AKIRIN2: variants seen among roughly 807,000 people sequenced by gnomAD.
AKIRIN2 encodes akirin 2, also known as akirin-2.
Under a neutral mutation model 29.3 loss-of-function variants are expected in AKIRIN2, and 6 were observed. The observed-to-expected ratio is 0.20, with a 90% CI of 0.11 to 0.40. The LOEUF (loss-of-function observed/expected upper bound fraction) is 0.40, where lower values mean the gene tolerates loss of function less well. Ranked by LOEUF, AKIRIN2 falls within the 10% of genes least tolerant of loss-of-function variation. AKIRIN2 has a pLI of 1.00. For missense variants in AKIRIN2, 210 were observed against 276.1 expected (o/e 0.76, Z 1.70); for synonymous variants, 128 against 117.5 (o/e 1.09, Z -0.58).
rs557610900 is a variant in AKIRIN2, at chr6:87,675,411, G to C, written c.*186C>G. 1.4e-6 allele frequency: 1 copy of C among 690,876 alleles called. No individual in the cohort carries two copies. Among genetic ancestry groups the C allele is most frequent in the Non-Finnish European group, 2.5e-6 (1 of 395,018 alleles). 42.8% of individuals were successfully genotyped at this position (690,876 alleles called of 1,614,324 possible). A position where few individuals can be genotyped will look rare whatever the true frequency, so the allele number is the denominator to read the frequency against. On this transcript the variant is annotated 3_prime_UTR_variant, in exon 5 of 5. Coordinates refer to ENST00000257787, the MANE Select transcript of AKIRIN2 (RefSeq NM_018064.4). The stretch of plus-strand genomic sequence containing the variant: ...TACAGGTAGCAAAGGTCCACATCCA[G>C]GTGGTACTGACATCAGGGAAATTTC...
At chr6:87,683,511 C>A (rs964601069) in intron 1 of AKIRIN2, among the ~76,000 whole-genome samples, 1 of 152,068 alleles carries the variant, frequency 6.6e-6, no homozygotes, top group Non-Finnish European at 1.5e-5. Context: ...GGTAAGCATA[C>A]CTTGATATAA....
chr6:87,677,677 A>G, intron 3 of AKIRIN2, 141 bp downstream of exon 3: 1 of 1,026,282 alleles, frequency 9.7e-7, no homozygotes, highest in Non-Finnish European at 1.4e-6. Context: ...TAAGAAGGTT[A>G]ATTTTCTTTC....
intron 1 of AKIRIN2, among the ~76,000 whole-genome samples, chr6:87,698,620 A>C (rs1171988161): frequency 6.6e-6 from 1 of 152,196 alleles, no homozygotes; most frequent in Non-Finnish European, 1.5e-5. Context: ...TGTCCTAAAA[A>C]ACAGGTTTGG....
chr6:87,677,515 G>T (rs565753777), intron 3 of AKIRIN2, among the ~76,000 whole-genome samples: 3 of 152,026 alleles, frequency 2.0e-5, no homozygotes, highest in Non-Finnish European at 4.4e-5. Flanking sequence ...TGATGGTAAC[G>T]TTATGAAAAA....
At chr6:87,697,990 A>C (rs1771398588) in intron 1 of AKIRIN2, among the ~76,000 whole-genome samples, 1 of 152,184 alleles carries the variant, frequency 6.6e-6, no homozygotes, top group Non-Finnish European at 1.5e-5. Context: ...ATGTTGCAAT[A>C]TTTTGGTTTT....
chr6:87,697,571 C>CA (rs1245873275), intron 1 of AKIRIN2, among the ~76,000 whole-genome samples: 24 of 152,206 alleles, frequency 1.6e-4, no homozygotes, highest in African/African-American at 5.8e-4. Context: ...ACTTCTGGCT[C>CA]AATGTAAATG....
intron 1 of AKIRIN2, among the ~76,000 whole-genome samples, chr6:87,693,369 G>C (rs1771308656): frequency 6.6e-6 from 1 of 152,136 alleles, no homozygotes; most frequent in Non-Finnish European, 1.5e-5. Flanking sequence ...GATGCTTCAA[G>C]ACTCTAAAAT....
At chr6:87,699,826 T>C (rs150559003) in intron 1 of AKIRIN2, among the ~76,000 whole-genome samples, 11 of 152,342 alleles carry the variant, frequency 7.2e-5, no homozygotes, top group Non-Finnish European at 1.0e-4. Flanking sequence ...CATTGAGATA[T>C]AGTACTTTAA....
intron 4 of AKIRIN2, 96 bp downstream of exon 4, chr6:87,675,764 T>C (rs1183151696): frequency 3.4e-6 from 5 of 1,471,182 alleles, no homozygotes; most frequent in African/African-American, 1.4e-5. Flanking sequence ...AGTAATTTTG[T>C]TGAATTCTCT....
chr6:87,676,744 C>T (rs1170581059), intron 3 of AKIRIN2, among the ~76,000 whole-genome samples: 1 of 151,296 alleles, frequency 6.6e-6, no homozygotes, highest in Non-Finnish European at 1.5e-5. Context: ...CGTGCCACTG[C>T]ACTCCGGCCT....
intron 1 of AKIRIN2, among the ~76,000 whole-genome samples, chr6:87,696,117 G>A (rs977012542): frequency 2.6e-5 from 4 of 152,134 alleles, no homozygotes; most frequent in Admixed American, 2.0e-4. Context: ...GAGGCAGATT[G>A]CAGTGAGCCG....
chr6:87,675,495 G>A lies in AKIRIN2; in HGVS notation c.*102C>T, dbSNP rs944250456. The A allele has an allele frequency of 4.0e-6, 6 of 1,502,326 alleles. No homozygotes were observed. In the Admixed American group the frequency reaches 5.1e-5, roughly 13 times the overall value. The allele number at this position is 1,502,326 out of a possible 1,614,324, so 93.1% of individuals were successfully genotyped here. On this transcript the variant is annotated 3_prime_UTR_variant, in exon 5 of 5. Coordinates refer to ENST00000257787, the MANE Select transcript of AKIRIN2 (RefSeq NM_018064.4). ...CACTGACGAAAGCTTGAAATAACCT[G>A]TATTCACAGAAGGGGTATTGGCATT...
chr6:87,684,411 T>C (rs545154846), intron 1 of AKIRIN2, among the ~76,000 whole-genome samples: 37 of 152,360 alleles, frequency 2.4e-4, no homozygotes, highest in Middle Eastern at 3.4e-3. Flanking sequence ...CCAATTTAAA[T>C]GTACAATCCA....
rs747247893 is a variant in AKIRIN2, at chr6:87,681,774, A to G, written c.236-11T>C. 14 of 1,559,224 alleles carry G rather than the reference A, an allele frequency of 9.0e-6. No individual in the cohort carries two copies. Among genetic ancestry groups the G allele is most frequent in the African/African-American group, 1.4e-5 (1 of 71,996 alleles). The stretch of plus-strand genomic sequence containing the variant: ...TGTACAGAATTTGTTCTAAAATAAA[A>G]AAGTTAAAATTTGGCAAGATAAAAA... On this transcript the variant is annotated splice_polypyrimidine_tract_variant and intron_variant, in intron 1 of 4. Coordinates refer to ENST00000257787, the MANE Select transcript of AKIRIN2 (RefSeq NM_018064.4).
chr6:87,687,452 A>AAAAAAAAAC (rs1327685866), intron 1 of AKIRIN2, among the ~76,000 whole-genome samples: 10 of 148,380 alleles, frequency 6.7e-5, no homozygotes, highest in African/African-American at 2.5e-4. Flanking sequence ...AAAAAAAAAA[A>AAAAAAAAAC]AAAACACACT....
chr6:87,680,786 T>A (rs867015704), intron 2 of AKIRIN2, among the ~76,000 whole-genome samples: 6,922 of 81,580 alleles, frequency 0.085, 522 homozygotes, highest in African/African-American at 0.22. Flanking sequence ...TTTTTTTTTT[T>A]AAAAAAAAGG....
intron 1 of AKIRIN2, among the ~76,000 whole-genome samples, chr6:87,684,337 A>ACCAT (rs1344541851): frequency 6.6e-6 from 1 of 152,216 alleles, no homozygotes; most frequent in African/African-American, 2.4e-5. Flanking sequence ...AAAACTCCAT[A>ACCAT]CCATCAGATA....
rs189699136 is a variant in AKIRIN2 at position 87,697,964 on chromosome 6, T to C, written c.235+3486A>G. Among the ~76,000 whole-genome samples the C allele has an allele frequency of 2.5e-3, 387 of 152,366 alleles. 2 individuals are homozygous for C. The highest frequency in any genetic ancestry group is 8.8e-3 in the African/African-American group (368 of 41,590). On this transcript the variant is annotated intron_variant, in intron 1 of 4. Transcript: ENST00000257787. ...AATGAAAACAATGTGCTGGATTTGA[T>C]TGACGGTCTCTTATAATGTTGCAAT...
intron 2 of AKIRIN2, among the ~76,000 whole-genome samples, chr6:87,679,752 A>G (rs1271643914): frequency 1.3e-5 from 2 of 152,228 alleles, no homozygotes; most frequent in Admixed American, 1.3e-4. Context: ...ATATTCCTTC[A>G]GCATTTTTAT....
Sources: gnomAD v4.1 joint callset for allele counts (sites outside exome capture counted in the v4.1 genomes callset) on GRCh38, gnomAD v4.1.1 for gene constraint, MANE v1.5 for transcripts, NCBI Gene and HGNC (gene_info 2026-07-23, HGNC 2026-07-21) for gene names.